Variants in CST7 observed in about 807,000 individuals in gnomAD.
CST7 encodes cystatin F.
A neutral mutation model predicts 13.1 loss-of-function variants in CST7; 15 were observed. The observed-to-expected ratio is 1.14, with a 90% CI of 0.77 to 1.76. The LOEUF (loss-of-function observed/expected upper bound fraction) is 1.76, where lower values mean the gene tolerates loss of function less well. Ranked by LOEUF, CST7 falls within the 40% of genes most tolerant of loss-of-function variation. The pLI, the probability that CST7 is intolerant of heterozygous loss-of-function variation, is 0.00. For synonymous variants in CST7, 75 were observed against 66.9 expected (o/e 1.12, Z -0.59); for missense variants, 193 against 178.8 (o/e 1.08, Z -0.45).
At chr20:24,957,118 GC>G (rs2087862956) in intron 1 of CST7, among the ~76,000 whole-genome samples, 168 bp from the exon 2 acceptor site, 8 of 138,112 alleles carry the variant, frequency 5.8e-5, no homozygotes, top group East Asian at 2.3e-4. Context: ...GGGCAGGTAA[GC>G]AGGGACAGGT....
intron 1 of CST7, among the ~76,000 whole-genome samples, chr20:24,949,943 T>A (rs535809527): frequency 6.6e-6 from 1 of 152,324 alleles, no homozygotes; most frequent in African/African-American, 2.4e-5. Context: ...GCCGCTTCTA[T>A]CTGATGGCTT....
Position 24,949,565 on chromosome 20 carries a change from C to A in CST7, c.60C>A (p.Gly20=), listed in dbSNP as rs1200966040. Residue 20 remains glycine (G), a synonymous_variant, in exon 1 of 4, where the codon GGC becomes GGA. Transcript: ENST00000480798. ...FCCLVLSTTG[G]PSPDTCSQDL... ...GCCTGGTCTTGAGCACCACTGGGGG[C>A]CCTTCCCCAGGTAAGTGGCGTTCTC... 10 of 1,613,948 alleles carry A rather than the reference C, an allele frequency of 6.2e-6. No homozygotes were observed. In the East Asian group the frequency reaches 1.3e-4, roughly 22 times the overall value.
intron 1 of CST7, among the ~76,000 whole-genome samples, chr20:24,955,446 C>CTT (rs777745036): frequency 1.9e-4 from 26 of 133,396 alleles, no homozygotes; most frequent in South Asian, 2.4e-4. Context: ...GGCCTAAAGT[C>CTT]TTTTTTTTTT....
intron 1 of CST7, among the ~76,000 whole-genome samples, chr20:24,950,235 G>A (rs1186201980): frequency 6.6e-6 from 1 of 152,198 alleles, no homozygotes; most frequent in East Asian, 1.9e-4. Flanking sequence ...ATGGGGACTT[G>A]GGAGGCCCCC....
Position 24,959,775 on chromosome 20 carries a change from T to G in CST7, c.*63T>G, listed in dbSNP as rs1300150305. On this transcript the variant is annotated 3_prime_UTR_variant, in exon 4 of 4. Coordinates refer to ENST00000480798, the MANE Select transcript of CST7 (RefSeq NM_003650.4). Reference sequence around the variant, plus strand: ...ACCAGGATGCATGCTCCTTGTCCCCTCCCACCCGCCTCATGACCCAGCCTC... The same window carrying G: ...ACCAGGATGCATGCTCCTTGTCCCCGCCCACCCGCCTCATGACCCAGCCTC... 2.6e-6 allele frequency: 4 copies of G among 1,517,014 alleles called. No homozygotes were observed. The highest frequency in any genetic ancestry group is 3.7e-6 in the Non-Finnish European group (4 of 1,092,572). The allele number at this position is 1,517,014 out of a possible 1,614,324, so 94.0% of individuals were successfully genotyped here. A position where few individuals can be genotyped will look rare whatever the true frequency, so the allele number is the denominator to read the frequency against.
In CST7 at chr20:24,949,564, GC is replaced by G. The variant is rs2087807287; in HGVS notation, c.62del (p.Pro21LeufsTer14). 3 of 1,613,958 alleles carry G rather than the reference GC, an allele frequency of 1.9e-6. No individual in the cohort carries two copies. The highest frequency in any genetic ancestry group is 3.3e-5 in the Admixed American group (2 of 59,992). On this transcript the variant is annotated frameshift_variant, in exon 1 of 4. Coordinates refer to ENST00000480798, the MANE Select transcript of CST7 (RefSeq NM_003650.4). LOFTEE classifies it high-confidence loss of function. ...FCCLVLSTTG[G>X]PSPDTCSQDL... is the part of the protein sequence containing the mutation. ...TGCCTGGTCTTGAGCACCACTGGGGGCCCTTCCCCAGGTAAGTGGCGTTCTC... is the reference window on the plus strand; with the variant it reads ...TGCCTGGTCTTGAGCACCACTGGGGGCCTTCCCCAGGTAAGTGGCGTTCTC...
chr20:24,949,360 A>G lies in CST7; in HGVS notation c.-146A>G, dbSNP rs775685240. ...GCCTGAGAAGGATTGGCACGGGCAC[A>G]GACCACTGCCCCCACCTGCCCTGCG... On this transcript the variant is annotated 5_prime_UTR_variant, in exon 1 of 4. Transcript: ENST00000480798. 7 of 1,559,606 alleles carry G rather than the reference A, an allele frequency of 4.5e-6. No individual in the cohort carries two copies. Among genetic ancestry groups the G allele is most frequent in the Non-Finnish European group, 5.2e-6 (6 of 1,151,332 alleles).
intron 3 of CST7, 115 bp downstream of exon 3, chr20:24,959,159 C>A: frequency 1.2e-6 from 1 of 830,224 alleles, no homozygotes; most frequent in South Asian, 1.6e-5. Context: ...AACCTCACCC[C>A]TGAGGAAGCC....
At chr20:24,958,263 G>A (rs892491179) in intron 2 of CST7, among the ~76,000 whole-genome samples, 2 of 152,114 alleles carry the variant, frequency 1.3e-5, no homozygotes, top group Admixed American at 6.5e-5. Flanking sequence ...CTGGCCTCAG[G>A]GACAGGGGAT....
chr20:24,957,432 GT>G lies in CST7; in HGVS notation c.217del (p.Ser73ProfsTer7). The G allele has an allele frequency of 1.2e-6, 2 of 1,613,718 alleles. No individual in the cohort carries two copies. The highest frequency in any genetic ancestry group is 8.5e-7 in the Non-Finnish European group (1 of 1,179,752). Reference sequence around the variant, plus strand: ...CGAACGACATGTTCTTGTTCAAGGAGTCCCGCATCACAAGGGCCCTAGTTCA... The same window carrying G: ...CGAACGACATGTTCTTGTTCAAGGAGCCCGCATCACAAGGGCCCTAGTTCA... The part of the protein sequence containing the change: ...CTNDMFLFKE[S>X]RITRALVQIV... On this transcript the variant is annotated frameshift_variant, in exon 2 of 4. Coordinates refer to ENST00000480798, the MANE Select transcript of CST7 (RefSeq NM_003650.4). LOFTEE classifies it high-confidence loss of function.
chr20:24,954,555 A>T (rs1177388316), intron 1 of CST7, among the ~76,000 whole-genome samples: 1 of 152,252 alleles, frequency 6.6e-6, no homozygotes, highest in Non-Finnish European at 1.5e-5. Context: ...CATCCTAAAA[A>T]TAGGTTTGAC....
intron 1 of CST7, among the ~76,000 whole-genome samples, chr20:24,950,947 C>T (rs1016374404): frequency 2.0e-5 from 3 of 152,170 alleles, no homozygotes; most frequent in African/African-American, 7.2e-5. Flanking sequence ...GCTGTCCTAG[C>T]GTGTCCTGGG....
chr20:24,959,887 C>A lies in CST7; in HGVS notation c.*175C>A. 4 of 608,854 alleles carry A rather than the reference C, an allele frequency of 6.6e-6. No individual in the cohort carries two copies. Among genetic ancestry groups the A allele is most frequent in the Non-Finnish European group, 1.2e-5 (4 of 340,586 alleles). The allele number at this position is 608,854 out of a possible 1,614,324, so 37.7% of individuals were successfully genotyped here. On this transcript the variant is annotated 3_prime_UTR_variant, in exon 4 of 4. Transcript: ENST00000480798. ...AGCTGGAATGGCAGCATGGTAGCAC[C>A]TCCTAACAGATTAAATAGATCACAT...
At chr20:24,953,321 G>A (rs1230690828) in intron 1 of CST7, among the ~76,000 whole-genome samples, 1 of 152,200 alleles carries the variant, frequency 6.6e-6, no homozygotes, top group Admixed American at 6.5e-5. Context: ...AAGGGTTCTG[G>A]AGCTCGATAG....
In CST7 at chr20:24,959,845, C is replaced by T. The variant is rs2087884877; in HGVS notation, c.*133C>T. 3.6e-6 allele frequency: 3 copies of T among 825,972 alleles called. No individual in the cohort carries two copies. The Admixed American group carries it at 5.6e-5, about 15-fold the overall frequency. 51.2% of individuals were successfully genotyped at this position (825,972 alleles called of 1,614,324 possible). A position where few individuals can be genotyped will look rare whatever the true frequency, so the allele number is the denominator to read the frequency against. ...TGACGAGTGAGCGGGTGAAGTGCCACTGGGTCACCGCAGGGCAGCTGGAAT... is the reference window on the plus strand; with the variant it reads ...TGACGAGTGAGCGGGTGAAGTGCCATTGGGTCACCGCAGGGCAGCTGGAAT... On this transcript the variant is annotated 3_prime_UTR_variant, in exon 4 of 4. Transcript: ENST00000480798.
At chr20:24,959,405 T>C (rs2087881425) in intron 3 of CST7, among the ~76,000 whole-genome samples, 3 of 152,152 alleles carry the variant, frequency 2.0e-5, no homozygotes, top group South Asian at 2.1e-4. Flanking sequence ...ATATATAGCA[T>C]ATCTCTGCAG....
chr20:24,955,175 G>A (rs2087845684), intron 1 of CST7, among the ~76,000 whole-genome samples: 1 of 152,098 alleles, frequency 6.6e-6, no homozygotes, highest in Non-Finnish European at 1.5e-5. Context: ...CTGGTTTCCA[G>A]AACAGTTTTT....
At chr20:24,956,388 C>T (rs549043261) in intron 1 of CST7, among the ~76,000 whole-genome samples, 1 of 152,190 alleles carries the variant, frequency 6.6e-6, no homozygotes, top group African/African-American at 2.4e-5. Flanking sequence ...GCCCTCAACA[C>T]CCTGGGGCCC....
intron 1 of CST7, among the ~76,000 whole-genome samples, chr20:24,952,363 G>T (rs868193588): frequency 6.6e-5 from 10 of 152,212 alleles, no homozygotes; most frequent in African/African-American, 2.2e-4. Flanking sequence ...GTGGGTTAAG[G>T]TCGGGACTGA....
Sources: gnomAD v4.1 joint callset for allele counts (sites outside exome capture counted in the v4.1 genomes callset) on GRCh38, gnomAD v4.1.1 for gene constraint, MANE v1.5 for transcripts, NCBI Gene and HGNC (gene_info 2026-07-23, HGNC 2026-07-21) for gene names.